The following HDAC9 variants were observed in gnomAD, a reference collection of about 807,000 sequenced individuals.
HDAC9 encodes the protein histone deacetylase 9.
In HDAC9, 41 loss-of-function variants were observed where a neutral mutation model predicts 139.4. The observed-to-expected ratio is 0.29, with a 90% confidence interval of 0.23 to 0.38. The LOEUF is 0.38. Among genes scored for constraint, HDAC9 ranks in the 10% least tolerant of loss-of-function variants. The pLI, the probability that HDAC9 is intolerant of heterozygous loss-of-function variation, is 1.00. For missense variants in HDAC9, 1,147 were observed against 1,297.0 expected (o/e 0.88, Z 1.78); for synonymous variants, 517 against 476.2 (o/e 1.09, Z -1.12).
At chr7:18,230,922 A>G (rs887468141) in intron 2 of HDAC9, among the ~76,000 whole-genome samples, 5 of 152,364 alleles carry the variant, frequency 3.3e-5, no homozygotes, top group African/African-American at 9.6e-5. Flanking sequence ...TGTGTTCCAC[A>G]TAAGCAAGAA....
intron 24 of HDAC9, among the ~76,000 whole-genome samples, chr7:18,972,521 T>G (rs1223476817): frequency 6.6e-6 from 1 of 151,886 alleles, no homozygotes; most frequent in East Asian, 1.9e-4. Flanking sequence ...GCCAGGATTA[T>G]AGGCATGCAC....
intron 2 of HDAC9, among the ~76,000 whole-genome samples, chr7:18,515,773 A>G (rs929809245): frequency 1.3e-5 from 2 of 152,220 alleles, no homozygotes; most frequent in African/African-American, 4.8e-5. Flanking sequence ...ACATATAATA[A>G]TTGCTTAATG....
intron 12 of HDAC9, among the ~76,000 whole-genome samples, chr7:18,694,257 G>C (rs1782875578): frequency 6.6e-6 from 1 of 152,086 alleles, no homozygotes; most frequent in South Asian, 2.1e-4. Flanking sequence ...ATTGTAGATG[G>C]GAAAAAATGG....
At chr7:18,863,241 C>T (rs73320021) in intron 21 of HDAC9, among the ~76,000 whole-genome samples, 3,270 of 152,100 alleles carry the variant, frequency 0.021, 131 homozygotes, top group African/African-American at 0.073. Flanking sequence ...CCTCCAAACA[C>T]GAAAAACCAG....
intron 1 of HDAC9, among the ~76,000 whole-genome samples, chr7:18,485,342 G>A (rs1795894575): frequency 6.6e-6 from 1 of 151,986 alleles, no homozygotes; most frequent in Non-Finnish European, 1.5e-5. Flanking sequence ...TTATTTGGCA[G>A]TTAGGAATCA....
intron 21 of HDAC9, among the ~76,000 whole-genome samples, chr7:18,852,880 T>A (rs1184035115): frequency 2.0e-5 from 3 of 151,670 alleles, no homozygotes; most frequent in Non-Finnish European, 4.4e-5. Context: ...TTCCAGTGTA[T>A]GTTAAGGTAG....
intron 6 of HDAC9, among the ~76,000 whole-genome samples, chr7:18,601,573 A>G (rs1833960068): frequency 6.6e-6 from 1 of 152,126 alleles, no homozygotes; most frequent in African/African-American, 2.4e-5. Flanking sequence ...GTCAGGGGAA[A>G]GCATTTTGTT....
At chr7:18,507,985 ATTGT>A (rs995591759) in intron 2 of HDAC9, among the ~76,000 whole-genome samples, 3 of 152,178 alleles carry the variant, frequency 2.0e-5, no homozygotes, top group Admixed American at 6.5e-5. Flanking sequence ...GGAAGATGAA[ATTGT>A]TTGAAGCTTT....
At chr7:18,880,171 G>A (rs1276242951) in intron 22 of HDAC9, among the ~76,000 whole-genome samples, 2 of 152,142 alleles carry the variant, frequency 1.3e-5, no homozygotes, top group African/African-American at 2.4e-5. Context: ...GTGCTGGCAA[G>A]GTTGCGGAGA....
At chr7:18,862,834 A>C (rs909415674) in intron 21 of HDAC9, among the ~76,000 whole-genome samples, 2 of 152,212 alleles carry the variant, frequency 1.3e-5, no homozygotes, top group Non-Finnish European at 2.9e-5. Context: ...GAGAAAAGCT[A>C]TGTAGATTCA....
At chr7:18,555,945 A>C (rs983621366) in intron 2 of HDAC9, among the ~76,000 whole-genome samples, 4 of 152,158 alleles carry the variant, frequency 2.6e-5, no homozygotes, top group African/African-American at 9.6e-5. Context: ...GTTGGTCTAC[A>C]CTCCAAAAGT....
At position 18,172,492 on chromosome 7, in the gene HDAC9, C is replaced by T. The variant is rs182136668; in HGVS notation, c.25+10143C>T. On this transcript the variant is annotated intron_variant, in intron 2 of 12. Coordinates refer to the HDAC9 transcript ENST00000417496. The stretch of plus-strand genomic sequence containing the variant: ...CTTAGTTATTTCTTGCCTTCTGCTA[C>T]CTTTTCAATTTGTTTGCTCTTGCTT... Among the ~76,000 whole-genome samples, 60 of 152,154 alleles carry T rather than the reference C, an allele frequency of 3.9e-4. 1 individual carries two copies. The East Asian group carries it at 0.011, about 28-fold the overall frequency.
intron 25 of HDAC9, among the ~76,000 whole-genome samples, chr7:18,990,783 A>C (rs1452126384): frequency 6.6e-6 from 1 of 152,212 alleles, no homozygotes; most frequent in Non-Finnish European, 1.5e-5. Flanking sequence ...GGAAAAGCGC[A>C]GTATTTGGGT....
intron 2 of HDAC9, among the ~76,000 whole-genome samples, chr7:18,226,784 G>C (rs1473226230): frequency 6.6e-6 from 1 of 152,254 alleles, no homozygotes; most frequent in Non-Finnish European, 1.5e-5. Context: ...TAGGCTAAGA[G>C]ACAGAATCTG....
intron 17 of HDAC9, among the ~76,000 whole-genome samples, chr7:18,798,477 T>C (rs1792997478): frequency 6.6e-6 from 1 of 152,162 alleles, no homozygotes; most frequent in Non-Finnish European, 1.5e-5. Context: ...AGGTCCATGG[T>C]AGCCTTACCA....
At chr7:18,433,345 C>T (rs181600562) in intron 1 of HDAC9, among the ~76,000 whole-genome samples, 10 of 152,262 alleles carry the variant, frequency 6.6e-5, no homozygotes, top group African/African-American at 2.2e-4. Context: ...GACAGGGATG[C>T]CCACTTTCAC....
intron 13 of HDAC9, among the ~76,000 whole-genome samples, chr7:18,729,419 CT>C (rs1357286144): frequency 6.6e-6 from 1 of 152,000 alleles, no homozygotes; most frequent in Non-Finnish European, 1.5e-5. Context: ...AGTTTCTTTC[CT>C]TGGTTAAGAG....
intron 2 of HDAC9, among the ~76,000 whole-genome samples, chr7:18,271,083 G>A (rs1282124376): frequency 6.6e-6 from 1 of 152,130 alleles, no homozygotes; most frequent in Non-Finnish European, 1.5e-5. Flanking sequence ...TACAAAGTTT[G>A]TCTGTATTGC....
At chr7:18,428,227 C>G (rs552907883) in intron 1 of HDAC9, among the ~76,000 whole-genome samples, 1 of 152,074 alleles carries the variant, frequency 6.6e-6, no homozygotes, top group Non-Finnish European at 1.5e-5. Flanking sequence ...TTTTGAGGAA[C>G]CTCTACCGTT....
Sources: allele counts gnomAD v4.1 joint callset (sites outside exome capture counted in the v4.1 genomes callset), GRCh38; gene constraint gnomAD v4.1.1; transcripts MANE v1.5; gene names NCBI Gene and HGNC (gene_info 2026-07-23, HGNC 2026-07-21).